Variants in SGCE observed in about 807,000 individuals in gnomAD.
The protein encoded by SGCE is sarcoglycan epsilon, also known as epsilon-sarcoglycan.
A neutral mutation model predicts 57.8 loss-of-function variants in SGCE; 26 were observed. The observed-to-expected ratio is 0.45, with a 90% CI of 0.33 to 0.62. The LOEUF is 0.62. SGCE is among the 20% of genes least tolerant of loss of function. SGCE has a pLI of 0.02. For synonymous variants in SGCE, 183 were observed against 189.5 expected, an observed-to-expected ratio of 0.97 and a Z score of 0.28; for missense variants, 468 against 548.6, an observed-to-expected ratio of 0.85 and a Z score of 1.47.
At chr7:94,624,106 A>G (rs1803291039) in intron 3 of SGCE, 2 of 396,260 alleles carry the variant, frequency 5.0e-6, no homozygotes, top group African/African-American at 4.1e-5. Flanking sequence ...TCAAAACTTA[A>G]GGCCTATTTA....
intron 4 of SGCE, chr7:94,619,623 G>A (rs1802470115): frequency 6.6e-6 from 1 of 152,098 alleles, no homozygotes; most frequent in African/African-American, 2.4e-5. Flanking sequence ...TATTCTAATT[G>A]TTCTCTTACG....
intron 9 of SGCE, 181 bp from the exon 10 acceptor site, chr7:94,588,913 A>G: frequency 1.6e-6 from 1 of 640,314 alleles, no homozygotes; most frequent in Non-Finnish European, 2.7e-6. Context: ...GGAGAATAAA[A>G]ATTAACAATA....
intron 5 of SGCE, among the ~76,000 whole-genome samples, chr7:94,612,886 C>T (rs1801276261): frequency 6.6e-6 from 1 of 152,128 alleles, no homozygotes. Context: ...TCCTTCTCTC[C>T]ACATATTCAA....
intron 10 of SGCE, chr7:94,587,152 T>G: frequency 2.0e-6 from 2 of 984,514 alleles, no homozygotes; most frequent in Non-Finnish European, 2.4e-6. Flanking sequence ...GGAAAACTCT[T>G]TGGCTCTTAT....
chr7:94,634,220 A>G (rs956375459), intron 1 of SGCE, among the ~76,000 whole-genome samples: 1 of 152,208 alleles, frequency 6.6e-6, no homozygotes, highest in African/African-American at 2.4e-5. Context: ...AGGATCTAAT[A>G]AAATCTCAGT....
At chr7:94,639,148 A>G (rs1455872295) in intron 1 of SGCE, among the ~76,000 whole-genome samples, 2 of 152,236 alleles carry the variant, frequency 1.3e-5, no homozygotes, top group African/African-American at 4.8e-5. Context: ...GAGGACTTGA[A>G]AAATAATGGA....
At chr7:94,624,430 T>C (rs1209088107) in intron 3 of SGCE, 4 of 386,426 alleles carry the variant, frequency 1.0e-5, no homozygotes, top group Non-Finnish European at 1.8e-5. Context: ...TTTAACAATG[T>C]TTAAAAGGTA....
chr7:94,613,198 T>C (rs1258521586), intron 5 of SGCE, among the ~76,000 whole-genome samples: 2 of 152,230 alleles, frequency 1.3e-5, no homozygotes, highest in Non-Finnish European at 2.9e-5. Context: ...AAAAAGTATA[T>C]TTATGGCTTC....
At chr7:94,586,061 G>GAAAAAAAAAAAAAAAAAAAAAAAAAAAA (rs780812386) in intron 10 of SGCE, among the ~76,000 whole-genome samples, 2 of 28,908 alleles carry the variant, frequency 6.9e-5, no homozygotes, top group South Asian at 1.8e-3. Context: ...GGAACTAAAT[G>GAAAAAAAAAAAAAAAAAAAAAAAAAAAA]AAAAAAAAAA....
chr7:94,610,724 G>T (rs562128885), intron 5 of SGCE, among the ~76,000 whole-genome samples: 1 of 152,144 alleles, frequency 6.6e-6, no homozygotes, highest in South Asian at 2.1e-4. Flanking sequence ...ACAATCCATG[G>T]AATAGGAGAA....
In SGCE at chr7:94,601,443, C is replaced by CAAAAAAAAAAAAAAAAAAAAAAAAAAAAA. The variant is rs71123905; in HGVS notation, c.826-615_826-587dup. ...GTCTTACTTAATTCTATCCCAGTAT[C>CAAAAAAAAAAAAAAAAAAAAAAAAAAAAA]AAAAAAAAAAAAAAAAAAAAAAAAA... On this transcript the variant is annotated intron_variant, in intron 6 of 10. Coordinates refer to ENST00000648936, the MANE Select transcript of SGCE (RefSeq NM_003919.3). Among the ~76,000 whole-genome samples, 3 of 89,356 alleles carry CAAAAAAAAAAAAAAAAAAAAAAAAAAAAA rather than the reference C, an allele frequency of 3.4e-5. 1 individual carries two copies. The highest frequency in any genetic ancestry group is 1.2e-4 in the African/African-American group (2 of 17,310). The allele number at this position is 89,356 out of a possible 152,430, so 58.6% of individuals were successfully genotyped here. A position where few individuals can be genotyped will look rare whatever the true frequency, so the allele number is the denominator to read the frequency against.
chr7:94,624,812 T>C (rs1224484434), intron 3 of SGCE: 3 of 152,064 alleles, frequency 2.0e-5, no homozygotes, highest in African/African-American at 7.2e-5. Context: ...TTTTTATGGG[T>C]AGCCTTCCCT....
At chr7:94,628,768 A>G (rs1314384723) in intron 2 of SGCE, 1 of 171,540 alleles carries the variant, frequency 5.8e-6, no homozygotes, top group East Asian at 1.6e-4. Flanking sequence ...CAAAATTATA[A>G]AAGTCTCATC....
chr7:94,585,520 A>G lies in SGCE; in HGVS notation c.1298-5T>C. 1 of 1,598,840 alleles carries G rather than the reference A, an allele frequency of 6.3e-7. No individual in the cohort carries two copies. The highest frequency in any genetic ancestry group is 8.6e-7 in the Non-Finnish European group (1 of 1,166,174). ...TTCTTCAGGGATACCATTTACCTGC[A>G]ATGTGTAAGAATGAATATGGGCAGG... On this transcript the variant is annotated splice_polypyrimidine_tract_variant and splice_region_variant and intron_variant, in intron 10 of 10. Coordinates refer to ENST00000648936, the MANE Select transcript of SGCE (RefSeq NM_003919.3).
chr7:94,641,069 CAAAG>C (rs1806317139), intron 1 of SGCE: 3 of 152,246 alleles, frequency 2.0e-5, no homozygotes, highest in South Asian at 2.1e-4. Context: ...GATGATTCAG[CAAAG>C]AAAGAGAGAA....
chr7:94,586,148 T>C lies in SGCE; in HGVS notation c.1298-633A>G, dbSNP rs1234332859. Among the ~76,000 whole-genome samples, 2 of 148,610 alleles carry C rather than the reference T, an allele frequency of 1.3e-5. 1 individual carries two copies. The highest frequency in any genetic ancestry group is 4.2e-4 in the South Asian group (2 of 4,738). On this transcript the variant is annotated intron_variant, in intron 10 of 10. Transcript: ENST00000648936. ...CCATATAGGTAGCTACAAATAAAATTACTTGGTATCCAAGACGCAAACTCT... is the reference window on the plus strand; with the variant it reads ...CCATATAGGTAGCTACAAATAAAATCACTTGGTATCCAAGACGCAAACTCT...
At chr7:94,590,249 T>A (rs889526890) in intron 9 of SGCE, among the ~76,000 whole-genome samples, 2 of 152,142 alleles carry the variant, frequency 1.3e-5, no homozygotes, top group African/African-American at 4.8e-5. Flanking sequence ...TGAGAAATGT[T>A]ATTAAAATTT....
intron 9 of SGCE, chr7:94,598,109 A>G (rs1798687070): frequency 6.4e-6 from 1 of 156,714 alleles, no homozygotes; most frequent in South Asian, 1.9e-4. Flanking sequence ...TATATCAGCA[A>G]TATATGATGT....
At chr7:94,649,779 G>A (rs902492674) in intron 1 of SGCE, among the ~76,000 whole-genome samples, 3 of 152,218 alleles carry the variant, frequency 2.0e-5, no homozygotes, top group African/African-American at 4.8e-5. Context: ...CTGGAGTGGA[G>A]GAGAAAGTTC....
Sources: gnomAD v4.1 joint callset for allele counts (sites outside exome capture counted in the v4.1 genomes callset) on GRCh38, gnomAD v4.1.1 for gene constraint, MANE v1.5 for transcripts, NCBI Gene and HGNC (gene_info 2026-07-23, HGNC 2026-07-21) for gene names.